The following PBX3 variants were observed in gnomAD, a reference collection of about 807,000 sequenced individuals.
The protein encoded by PBX3 is pre-B-cell leukemia transcription factor 3.
PBX3 carries 14 observed loss-of-function variants against 48.5 expected under a neutral mutation model. That is an observed-to-expected ratio of 0.29 (90% CI 0.19 to 0.45). The LOEUF (loss-of-function observed/expected upper bound fraction) is 0.45. PBX3 is among the 20% of genes least tolerant of loss of function. PBX3 has a pLI of 1.00. For missense variants in PBX3, 386 were observed against 546.7 expected (o/e 0.71, Z 2.93); for synonymous variants, 210 against 200.3 (o/e 1.05, Z -0.41).
intron 1 of PBX3, chr9:125,748,236 C>G: frequency 9.6e-7 from 1 of 1,037,220 alleles, no homozygotes; most frequent in South Asian, 3.6e-5. Flanking sequence ...CCTCCGCACC[C>G]GTCCCCTCCC....
chr9:125,950,604 C>T (rs1842174512), intron 5 of PBX3, among the ~76,000 whole-genome samples: 1 of 152,022 alleles, frequency 6.6e-6, no homozygotes, highest in Admixed American at 6.5e-5. Context: ...GCCTCAGCCT[C>T]CTGAGTAGCT....
At chr9:125,771,254 C>T (rs1423096228) in intron 2 of PBX3, among the ~76,000 whole-genome samples, 1 of 152,186 alleles carries the variant, frequency 6.6e-6, no homozygotes, top group Non-Finnish European at 1.5e-5. Context: ...GACACAACAT[C>T]CCAGGCTTTT....
At chr9:125,901,239 T>G (rs1006090011) in intron 2 of PBX3, among the ~76,000 whole-genome samples, 3 of 151,730 alleles carry the variant, frequency 2.0e-5, no homozygotes, top group African/African-American at 7.3e-5. Context: ...GTAAAGATAA[T>G]GATAAATTTC....
intron 2 of PBX3, among the ~76,000 whole-genome samples, chr9:125,819,383 G>C (rs1838578247): frequency 6.6e-6 from 1 of 151,696 alleles, no homozygotes; most frequent in Non-Finnish European, 1.5e-5. Flanking sequence ...AAAATTAGCT[G>C]GGTGTGGTGG....
intron 2 of PBX3, among the ~76,000 whole-genome samples, chr9:125,841,533 C>T (rs964128133): frequency 6.6e-6 from 1 of 152,136 alleles, no homozygotes; most frequent in Non-Finnish European, 1.5e-5. Flanking sequence ...TTCTACTTTT[C>T]TTCCTTTTTG....
intron 2 of PBX3, among the ~76,000 whole-genome samples, chr9:125,755,670 T>TTG (rs1483909304): frequency 3.5e-4 from 50 of 142,706 alleles, no homozygotes; most frequent in South Asian, 2.6e-3. Context: ...AGGAGGAGCT[T>TTG]TGTTTTTTTT....
chr9:125,831,016 C>T (rs1838947100), intron 2 of PBX3, among the ~76,000 whole-genome samples: 1 of 152,128 alleles, frequency 6.6e-6, no homozygotes, highest in Non-Finnish European at 1.5e-5. Context: ...ACATTCCTTC[C>T]TCCTGCCCCC....
intron 3 of PBX3, among the ~76,000 whole-genome samples, chr9:125,927,456 G>A (rs1841603010): frequency 6.6e-6 from 1 of 152,210 alleles, no homozygotes; most frequent in Non-Finnish European, 1.5e-5. Flanking sequence ...CCTCTAATGA[G>A]CAGTTAGAAA....
Position 125,786,898 on chromosome 9 carries a change from T to A in PBX3, c.274+38275T>A, listed in dbSNP as rs1276587084. On this transcript the variant is annotated intron_variant, in intron 2 of 8. Transcript: ENST00000373489. ...CACCACCACACCCAGCTAATTTTTG[T>A]ATTTTTAGTAGAGTCGGGGTTTCAC... is the stretch of plus-strand genomic sequence containing the variant. Among the ~76,000 whole-genome samples the A allele has an allele frequency of 2.6e-5, 4 of 152,206 alleles. No individual in the cohort carries two copies. The East Asian group carries it at 7.7e-4, about 29-fold the overall frequency.
At chr9:125,909,518 C>T (rs1408269705) in intron 2 of PBX3, among the ~76,000 whole-genome samples, 1 of 152,134 alleles carries the variant, frequency 6.6e-6, no homozygotes, top group Non-Finnish European at 1.5e-5. Flanking sequence ...AGGCTTGGCT[C>T]TTCTGCGTAA....
chr9:125,871,771 G>T (rs1840131491), intron 2 of PBX3, among the ~76,000 whole-genome samples: 1 of 152,080 alleles, frequency 6.6e-6, no homozygotes, highest in African/African-American at 2.4e-5. Context: ...TTTAAAATGT[G>T]ACTGCTAGAG....
chr9:125,817,158 C>T (rs1838490503), intron 2 of PBX3, among the ~76,000 whole-genome samples: 1 of 152,158 alleles, frequency 6.6e-6, no homozygotes, highest in Non-Finnish European at 1.5e-5. Context: ...TAGCACTGGT[C>T]TGTAAAGGCT....
chr9:125,959,205 A>T (rs1486816519), intron 5 of PBX3, among the ~76,000 whole-genome samples: 1 of 152,236 alleles, frequency 6.6e-6, no homozygotes, highest in Non-Finnish European at 1.5e-5. Flanking sequence ...ACTGTATTTG[A>T]TATGAAGAAA....
intron 2 of PBX3, among the ~76,000 whole-genome samples, chr9:125,907,190 G>A (rs1325599101): frequency 1.3e-5 from 2 of 151,684 alleles, no homozygotes; most frequent in Non-Finnish European, 2.9e-5. Context: ...TAATTGAGAT[G>A]GCTAAAAGCA....
intron 2 of PBX3, among the ~76,000 whole-genome samples, chr9:125,783,009 A>C (rs1260318867): frequency 6.6e-6 from 1 of 152,194 alleles, no homozygotes; most frequent in Non-Finnish European, 1.5e-5. Flanking sequence ...GTTTGATTAT[A>C]ATGTGTCTCA....
At chr9:125,834,977 A>G (rs1588200300) in intron 2 of PBX3, among the ~76,000 whole-genome samples, 3 of 132,482 alleles carry the variant, frequency 2.3e-5, no homozygotes, top group Admixed American at 1.7e-4. Context: ...AGTTCATGCC[A>G]CTGCACTCCA....
chr9:125,870,830 A>G (rs1448570635), intron 2 of PBX3, among the ~76,000 whole-genome samples: 2 of 152,220 alleles, frequency 1.3e-5, no homozygotes, highest in Non-Finnish European at 1.5e-5. Context: ...ACAGGGAGAC[A>G]TTGTTTATAT....
intron 2 of PBX3, among the ~76,000 whole-genome samples, chr9:125,808,876 A>G (rs1838204418): frequency 6.6e-6 from 1 of 152,192 alleles, no homozygotes; most frequent in South Asian, 2.1e-4. Context: ...ACTCTCAGCC[A>G]ACAGCACTGT....
intron 2 of PBX3, among the ~76,000 whole-genome samples, chr9:125,753,540 T>C (rs1403143915): frequency 6.6e-6 from 1 of 152,048 alleles, no homozygotes; most frequent in Non-Finnish European, 1.5e-5. Context: ...ATCCTGTTCT[T>C]TATTTTTTTC....
Sources: gnomAD v4.1 joint callset for allele counts (sites outside exome capture counted in the v4.1 genomes callset) on GRCh38, gnomAD v4.1.1 for gene constraint, MANE v1.5 for transcripts, NCBI Gene and HGNC (gene_info 2026-07-23, HGNC 2026-07-21) for gene names.